The following PTPRD variants were observed in gnomAD, a reference collection of about 807,000 sequenced individuals.
PTPRD encodes protein tyrosine phosphatase receptor type D, also known as receptor-type tyrosine-protein phosphatase delta.
In PTPRD, 34 loss-of-function variants were observed where a neutral mutation model predicts 214.5. That is an observed-to-expected ratio of 0.16 (90% CI 0.12 to 0.21). PTPRD has a LOEUF of 0.21. Among genes scored for constraint, PTPRD ranks in the 10% least tolerant of loss-of-function variants. The pLI is 1.00. For synonymous variants in PTPRD, 1,128 were observed against 845.7 expected (o/e 1.33, Z -5.79); for missense variants, 2,545 against 2,398.7 (o/e 1.06, Z -1.27).
intron 3 of PTPRD, among the ~76,000 whole-genome samples, chr9:10,279,572 G>A (rs910477420): frequency 6.6e-6 from 1 of 151,820 alleles, no homozygotes; most frequent in Admixed American, 6.6e-5. Flanking sequence ...TTTGCTGGAG[G>A]TTGGTCATTT....
At chr9:9,816,947 T>A (rs1414448949) in intron 5 of PTPRD, among the ~76,000 whole-genome samples, 1 of 152,058 alleles carries the variant, frequency 6.6e-6, no homozygotes, top group East Asian at 1.9e-4. Context: ...GAACAATTAA[T>A]AGAAAATAAG....
chr9:9,179,261 A>T (rs1484043099), intron 10 of PTPRD, among the ~76,000 whole-genome samples: 2 of 152,156 alleles, frequency 1.3e-5, no homozygotes, highest in African/African-American at 4.8e-5. Flanking sequence ...CATTTAATCA[A>T]ATGTTATTTA....
chr9:9,369,359 G>C (rs1463154460), intron 9 of PTPRD, among the ~76,000 whole-genome samples: 1 of 152,098 alleles, frequency 6.6e-6, no homozygotes, highest in Non-Finnish European at 1.5e-5. Context: ...CTGATGGCCA[G>C]AGATGATGAG....
intron 35 of PTPRD, among the ~76,000 whole-genome samples, chr9:8,413,940 T>C (rs2093707154): frequency 6.6e-6 from 1 of 152,168 alleles, no homozygotes; most frequent in African/African-American, 2.4e-5. Flanking sequence ...GATGATCTTA[T>C]GTATTAGACC....
At chr9:8,381,280 T>C (rs988016379) in intron 37 of PTPRD, among the ~76,000 whole-genome samples, 3 of 152,180 alleles carry the variant, frequency 2.0e-5, no homozygotes, top group Non-Finnish European at 2.9e-5. Flanking sequence ...TGAGGGAGAC[T>C]ATAATAAAGG....
At chr9:10,519,748 T>G (rs1484237782) in intron 2 of PTPRD, among the ~76,000 whole-genome samples, 1 of 152,126 alleles carries the variant, frequency 6.6e-6, no homozygotes, top group Non-Finnish European at 1.5e-5. Context: ...TTATTATATC[T>G]GTTACGGTGA....
chr9:9,346,402 G>A (rs1335738083), intron 9 of PTPRD, among the ~76,000 whole-genome samples: 2 of 152,160 alleles, frequency 1.3e-5, no homozygotes, highest in East Asian at 1.9e-4. Context: ...TGAGAGAAAT[G>A]TGTTAAAAAT....
At chr9:10,326,265 C>CAA (rs147694378) in intron 3 of PTPRD, among the ~76,000 whole-genome samples, 19 of 151,500 alleles carry the variant, frequency 1.3e-4, no homozygotes, top group African/African-American at 3.9e-4. Flanking sequence ...TGCTAATGTC[C>CAA]AAAAAAGAGT....
At chr9:9,035,226 C>CAGG (rs1457786092) in intron 10 of PTPRD, among the ~76,000 whole-genome samples, 2 of 152,090 alleles carry the variant, frequency 1.3e-5, no homozygotes, top group Non-Finnish European at 2.9e-5. Context: ...GAATGAAAAA[C>CAGG]AGGAGGCTTA....
At chr9:8,584,941 T>A (rs1056041054) in intron 14 of PTPRD, among the ~76,000 whole-genome samples, 1 of 152,050 alleles carries the variant, frequency 6.6e-6, no homozygotes, top group Non-Finnish European at 1.5e-5. Flanking sequence ...AACCATCAGA[T>A]CTCATGAGAC....
chr9:8,772,024 A>T (rs2095247923), intron 11 of PTPRD, among the ~76,000 whole-genome samples: 1 of 152,094 alleles, frequency 6.6e-6, no homozygotes, highest in Non-Finnish European at 1.5e-5. Flanking sequence ...CCCTGATGTG[A>T]TTATTATGCA....
chr9:10,042,883 T>C (rs138874456), intron 3 of PTPRD, among the ~76,000 whole-genome samples: 4,239 of 152,068 alleles, frequency 0.028, 120 homozygotes, highest in Admixed American at 0.089. Flanking sequence ...TTTCTTTACC[T>C]AATATGAATG....
At chr9:8,852,122 AT>A in intron 11 of PTPRD, among the ~76,000 whole-genome samples, 1 of 152,186 alleles carries the variant, frequency 6.6e-6, no homozygotes. Context: ...CACTTTATGT[AT>A]TTGAAAGTAC....
At chr9:8,338,865 G>GAGAGAGAGAA in intron 43 of PTPRD, 57 bp downstream of exon 43, 1 of 1,505,920 alleles carries the variant, frequency 6.6e-7, no homozygotes, top group South Asian at 1.3e-5. Context: ...GAGAGAGAGA[G>GAGAGAGAGAA]GTATCTTAGA....
chr9:8,793,696 T>C (rs1378009053), intron 11 of PTPRD, among the ~76,000 whole-genome samples: 1 of 152,192 alleles, frequency 6.6e-6, no homozygotes, highest in South Asian at 2.1e-4. Flanking sequence ...CTGTTAGACA[T>C]CATTTTTAAA....
rs141427271 is a variant in PTPRD at position 9,982,091 on chromosome 9, T to C, written c.-471-43481A>G. 2.8e-3 allele frequency among the ~76,000 whole-genome samples: 433 copies of C among 152,312 alleles called. 2 individuals carry two copies. The highest frequency in any genetic ancestry group is 1.0e-2 in the African/African-American group (415 of 41,580). On this transcript the variant is annotated intron_variant, in intron 4 of 45. Transcript: ENST00000381196. ...GTGGAAACAGTATGCCTCTCCTTGG[T>C]GGACAGCTTCTTGAGCCGAACATAT...
intron 9 of PTPRD, among the ~76,000 whole-genome samples, chr9:9,356,894 T>A (rs1889106): frequency 0.19 from 27,991 of 151,270 alleles, 2,886 homozygotes; most frequent in East Asian, 0.35. Flanking sequence ...AGCTGGCAAC[T>A]TGCTACCAGT....
intron 14 of PTPRD, among the ~76,000 whole-genome samples, chr9:8,623,735 G>A (rs765973184): frequency 6.6e-6 from 1 of 151,752 alleles, no homozygotes; most frequent in Admixed American, 6.6e-5. Context: ...ATAGACAGAT[G>A]CTGAAGCTTA....
intron 2 of PTPRD, among the ~76,000 whole-genome samples, chr9:10,416,726 G>T (rs2098493468): frequency 6.6e-6 from 1 of 151,736 alleles, no homozygotes; most frequent in African/African-American, 2.4e-5. Context: ...AGACTTAAGA[G>T]TATCTCTGTG....
Sources: gnomAD v4.1 joint callset for allele counts (sites outside exome capture counted in the v4.1 genomes callset) on GRCh38, gnomAD v4.1.1 for gene constraint, MANE v1.5 for transcripts, NCBI Gene and HGNC (gene_info 2026-07-23, HGNC 2026-07-21) for gene names.